The following RPS6KC1 variants were observed in gnomAD, a reference collection of about 807,000 sequenced individuals.
The protein encoded by RPS6KC1 is ribosomal protein S6 kinase C1.
Under a neutral mutation model 103.8 loss-of-function variants are expected in RPS6KC1, and 54 were observed. That is an observed-to-expected ratio of 0.52 (90% confidence interval 0.42 to 0.65). The LOEUF (loss-of-function observed/expected upper bound fraction) is 0.65, where lower values mean the gene tolerates loss of function less well. Ranked by LOEUF, RPS6KC1 falls within the 30% of genes least tolerant of loss-of-function variation. The pLI is 0.00. For synonymous variants in RPS6KC1, 439 were observed against 438.7 expected (o/e 1.00, Z -0.01); for missense variants, 1,151 against 1,253.8 (o/e 0.92, Z 1.24).
the RPS6KC1 span, among the ~76,000 whole-genome samples, chr1:213,565,133 T>C: frequency 2.0e-5 from 3 of 152,238 alleles, no homozygotes; most frequent in Non-Finnish European, 2.9e-5. Context: ...TAAAAGTGAA[T>C]GTTGGCAAAG....
the RPS6KC1 span, among the ~76,000 whole-genome samples, chr1:213,658,026 G>A: frequency 2.6e-5 from 4 of 152,162 alleles, no homozygotes; most frequent in East Asian, 5.8e-4. Context: ...TAGAGGCTCC[G>A]GAGGTCATTT....
At chr1:213,416,273 C>A in the RPS6KC1 span, among the ~76,000 whole-genome samples, 1 of 152,250 alleles carries the variant, frequency 6.6e-6, no homozygotes, top group African/African-American at 2.4e-5. Context: ...AGGCACTCTG[C>A]AGACCTACAA....
At chr1:213,631,681 T>C in the RPS6KC1 span, among the ~76,000 whole-genome samples, 37 of 152,308 alleles carry the variant, frequency 2.4e-4, no homozygotes, top group African/African-American at 8.2e-4. Flanking sequence ...TTCTAGTGTA[T>C]TGATTTTCCC....
the RPS6KC1 span, among the ~76,000 whole-genome samples, chr1:213,805,091 TA>T: frequency 1.3e-5 from 2 of 152,262 alleles, no homozygotes; most frequent in African/African-American, 4.8e-5. Context: ...ATTTTCTTGC[TA>T]AAAACTGCTA....
the RPS6KC1 span, among the ~76,000 whole-genome samples, chr1:213,414,228 C>A: frequency 2.0e-5 from 3 of 151,432 alleles, no homozygotes; most frequent in Non-Finnish European, 4.4e-5. Flanking sequence ...TATGATGGCA[C>A]CAAGTTCATC....
At chr1:213,636,071 G>A in the RPS6KC1 span, among the ~76,000 whole-genome samples, 1 of 152,130 alleles carries the variant, frequency 6.6e-6, no homozygotes, top group Non-Finnish European at 1.5e-5. Flanking sequence ...GGGGTGTGAA[G>A]TACCTCTTCA....
At chr1:213,347,423 G>A in the RPS6KC1 span, among the ~76,000 whole-genome samples, 2 of 152,204 alleles carry the variant, frequency 1.3e-5, no homozygotes, top group African/African-American at 4.8e-5. Flanking sequence ...GTATGGATTG[G>A]CTGGGCACAG....
chr1:213,414,333 T>C, the RPS6KC1 span, among the ~76,000 whole-genome samples: 1 of 152,160 alleles, frequency 6.6e-6, no homozygotes, highest in Non-Finnish European at 1.5e-5. Context: ...TGTGACCTTA[T>C]TTGGAAAGGA....
chr1:213,714,811 G>A, the RPS6KC1 span, among the ~76,000 whole-genome samples: 9 of 152,184 alleles, frequency 5.9e-5, no homozygotes, highest in Non-Finnish European at 1.2e-4. Context: ...CGTTGCTGCC[G>A]CTGGTGGGGG....
At chr1:213,628,780 G>A in the RPS6KC1 span, among the ~76,000 whole-genome samples, 1 of 152,008 alleles carries the variant, frequency 6.6e-6, no homozygotes, top group African/African-American at 2.4e-5. Context: ...CTGGTATGTT[G>A]TGTGTTTGTT....
intron 6 of RPS6KC1, among the ~76,000 whole-genome samples, chr1:213,134,460 T>G (rs1289918268): frequency 6.6e-6 from 1 of 152,132 alleles, no homozygotes; most frequent in Non-Finnish European, 1.5e-5. Context: ...TTGAAGATTT[T>G]GTTGATATTT....
At chr1:213,197,776 C>G (rs1300813516) in intron 8 of RPS6KC1, among the ~76,000 whole-genome samples, 3 of 152,100 alleles carry the variant, frequency 2.0e-5, no homozygotes, top group African/African-American at 4.8e-5. Flanking sequence ...GTTACTCCTG[C>G]TTACTTTCGG....
At chr1:213,840,341 C>A in the RPS6KC1 span, 1 of 152,218 alleles carries the variant, frequency 6.6e-6, no homozygotes, top group Non-Finnish European at 1.5e-5. Context: ...TTCTTCTACA[C>A]TCAGTATGTG....
the RPS6KC1 span, chr1:213,821,361 C>T: frequency 6.6e-6 from 1 of 152,254 alleles, no homozygotes; most frequent in East Asian, 1.9e-4. Flanking sequence ...CCCTCCTTTT[C>T]CCCCAGGGCA....
At chr1:213,523,208 A>G in the RPS6KC1 span, among the ~76,000 whole-genome samples, 1 of 152,218 alleles carries the variant, frequency 6.6e-6, no homozygotes, top group Non-Finnish European at 1.5e-5. Flanking sequence ...AGTGGTCAGA[A>G]CACACACAAT....
the RPS6KC1 span, among the ~76,000 whole-genome samples, chr1:213,848,098 C>A: frequency 0.016 from 2,439 of 152,082 alleles, 77 homozygotes; most frequent in African/African-American, 0.056. Context: ...TTGGGTAGAC[C>A]TCATTAAGGA....
intron 8 of RPS6KC1, among the ~76,000 whole-genome samples, chr1:213,187,252 T>C (rs1573110085): frequency 3.4e-5 from 5 of 145,426 alleles, no homozygotes; most frequent in South Asian, 2.2e-4. Context: ...TTCTTCTTCT[T>C]TTTTTTTTTT....
At chr1:213,574,566 A>T in the RPS6KC1 span, among the ~76,000 whole-genome samples, 1 of 152,212 alleles carries the variant, frequency 6.6e-6, no homozygotes, top group Non-Finnish European at 1.5e-5. Flanking sequence ...AAGAAAAAAC[A>T]ACAGATCCAA....
At chr1:213,451,990 C>T in the RPS6KC1 span, among the ~76,000 whole-genome samples, 5 of 152,294 alleles carry the variant, frequency 3.3e-5, no homozygotes, top group African/African-American at 4.8e-5. Context: ...CTGGGGCTGA[C>T]GGTGTGATAG....
Sources: allele counts gnomAD v4.1 joint callset (sites outside exome capture counted in the v4.1 genomes callset), GRCh38; gene constraint gnomAD v4.1.1; transcripts MANE v1.5; gene names NCBI Gene and HGNC (gene_info 2026-07-23, HGNC 2026-07-21).